The following CRPPA variants were observed in gnomAD, a reference collection of about 807,000 sequenced individuals.
The protein encoded by CRPPA is CDP-L-ribitol pyrophosphorylase A.
CRPPA carries 43 observed loss-of-function variants against 52.0 expected under a neutral mutation model. The observed-to-expected ratio is 0.83, with a 90% CI of 0.65 to 1.07. The LOEUF is 1.07. CRPPA is among the 50% of genes least tolerant of loss of function. The pLI, the probability that CRPPA is intolerant of heterozygous loss-of-function variation, is 0.00. For missense variants in CRPPA, 629 were observed against 551.7 expected (o/e 1.14, Z -1.40); for synonymous variants, 250 against 203.5 (o/e 1.23, Z -1.94).
chr7:16,312,502 G>A (rs761370797), intron 3 of CRPPA, among the ~76,000 whole-genome samples: 1 of 151,876 alleles, frequency 6.6e-6, no homozygotes, highest in Non-Finnish European at 1.5e-5. Context: ...CATAACTTCT[G>A]TCAATGCTTT....
chr7:16,353,554 T>A (rs911212809), intron 3 of CRPPA, among the ~76,000 whole-genome samples: 4 of 152,096 alleles, frequency 2.6e-5, no homozygotes, highest in African/African-American at 9.7e-5. Flanking sequence ...GTTTAAATTT[T>A]AATTTAATTT....
At chr7:16,148,518 G>C (rs1253956302) in intron 9 of CRPPA, among the ~76,000 whole-genome samples, 1 of 152,118 alleles carries the variant, frequency 6.6e-6, no homozygotes, top group Non-Finnish European at 1.5e-5. Context: ...ATTATGTTAA[G>C]TGAAATAAGT....
chr7:16,193,375 G>C (rs1287117868), intron 9 of CRPPA, among the ~76,000 whole-genome samples: 4 of 151,856 alleles, frequency 2.6e-5, no homozygotes, highest in African/African-American at 7.3e-5. Flanking sequence ...ATTTAAGAAA[G>C]CAATTTCTCT....
intron 8 of CRPPA, among the ~76,000 whole-genome samples, chr7:16,241,346 C>T (rs1168480209): frequency 3.3e-5 from 5 of 151,916 alleles, no homozygotes; most frequent in African/African-American, 1.2e-4. Context: ...ATTAAAATTC[C>T]CCCTGGTAAT....
chr7:16,271,633 AATAG>A (rs1167244565), intron 6 of CRPPA, among the ~76,000 whole-genome samples: 1 of 152,132 alleles, frequency 6.6e-6, no homozygotes, highest in Admixed American at 6.6e-5. Flanking sequence ...TTGTTCTTTA[AATAG>A]ATAATTATTT....
At chr7:16,255,687 C>G (rs181043657) in intron 8 of CRPPA, among the ~76,000 whole-genome samples, 1 of 151,910 alleles carries the variant, frequency 6.6e-6, no homozygotes, top group African/African-American at 2.4e-5. Flanking sequence ...AAACAAGCAA[C>G]GAGGAAAGGA....
chr7:16,388,141 A>T (rs1787342437), intron 2 of CRPPA, among the ~76,000 whole-genome samples: 1 of 151,928 alleles, frequency 6.6e-6, no homozygotes, highest in Non-Finnish European at 1.5e-5. Flanking sequence ...GTGCCACCCC[A>T]CCTAGCTAAT....
chr7:16,095,684 C>A (rs1781922160), intron 9 of CRPPA, among the ~76,000 whole-genome samples: 1 of 152,056 alleles, frequency 6.6e-6, no homozygotes, highest in African/African-American at 2.4e-5. Context: ...TTCCAATCTA[C>A]AAAGAAGAGA....
intron 3 of CRPPA, among the ~76,000 whole-genome samples, chr7:16,330,643 C>T (rs1785527672): frequency 6.6e-6 from 1 of 152,174 alleles, no homozygotes; most frequent in Non-Finnish European, 1.5e-5. Context: ...GGCTCCCATG[C>T]TTCTGTGAGT....
intron 6 of CRPPA, among the ~76,000 whole-genome samples, chr7:16,268,421 C>T (rs1252544646): frequency 6.6e-6 from 1 of 152,102 alleles, no homozygotes; most frequent in Non-Finnish European, 1.5e-5. Context: ...AAACTGCCAT[C>T]AAACCCTATG....
At chr7:16,313,404 A>G (rs757375286) in intron 3 of CRPPA, among the ~76,000 whole-genome samples, 3 of 151,928 alleles carry the variant, frequency 2.0e-5, no homozygotes, top group Non-Finnish European at 2.9e-5. Flanking sequence ...TGGGATCTAT[A>G]ATAATGTCCG....
intron 8 of CRPPA, among the ~76,000 whole-genome samples, chr7:16,230,844 A>C (rs1471691850): frequency 6.6e-6 from 1 of 152,054 alleles, no homozygotes; most frequent in Non-Finnish European, 1.5e-5. Flanking sequence ...GGCTCACTAC[A>C]TCAGTTGTTG....
intron 8 of CRPPA, among the ~76,000 whole-genome samples, chr7:16,230,750 G>T (rs1039673143): frequency 1.3e-5 from 2 of 152,146 alleles, no homozygotes; most frequent in Non-Finnish European, 2.9e-5. Flanking sequence ...TGAAGAAGTA[G>T]ATACTTATCC....
In CRPPA at chr7:16,088,894, A is replaced by G. The variant is rs886062151; in HGVS notation, c.*2801T>C. Reference sequence around the variant, plus strand: ...CTTCTTGTCCATTTCGCCAATGTTCATTCAGTGCCTCTGGCTTATATATCA... The same window carrying G: ...CTTCTTGTCCATTTCGCCAATGTTCGTTCAGTGCCTCTGGCTTATATATCA... On this transcript the variant is annotated 3_prime_UTR_variant, in exon 10 of 10. Coordinates refer to ENST00000407010, the MANE Select transcript of CRPPA (RefSeq NM_001101426.4). 1 of 180,264 alleles carries G rather than the reference A, an allele frequency of 5.5e-6. No homozygotes were observed. The highest frequency in any genetic ancestry group is 5.4e-5 in the Admixed American group (1 of 18,626). The allele number at this position is 180,264 out of a possible 1,614,324, so 11.2% of individuals were successfully genotyped here.
intron 3 of CRPPA, among the ~76,000 whole-genome samples, chr7:16,322,194 G>A (rs1785280008): frequency 6.6e-6 from 1 of 152,054 alleles, no homozygotes; most frequent in Non-Finnish European, 1.5e-5. Flanking sequence ...ACGTAATATT[G>A]GCTTTGGAAG....
intron 3 of CRPPA, among the ~76,000 whole-genome samples, chr7:16,350,123 AT>A (rs1786108961): frequency 6.6e-6 from 1 of 150,554 alleles, no homozygotes; most frequent in Admixed American, 6.6e-5. Flanking sequence ...AAAAAAAAAA[AT>A]GTCAACCAAG....
At chr7:16,189,437 G>A (rs1781565124) in intron 9 of CRPPA, among the ~76,000 whole-genome samples, 1 of 152,096 alleles carries the variant, frequency 6.6e-6, no homozygotes, top group South Asian at 2.1e-4. Context: ...GAAAGTGATG[G>A]CTGCATATTT....
At chr7:16,103,978 T>C (rs1485911524) in intron 9 of CRPPA, among the ~76,000 whole-genome samples, 1 of 152,156 alleles carries the variant, frequency 6.6e-6, no homozygotes, top group Non-Finnish European at 1.5e-5. Flanking sequence ...AATTCAAACA[T>C]ACCTTCTTGG....
chr7:16,289,217 T>C (rs996613238), intron 5 of CRPPA, among the ~76,000 whole-genome samples: 4 of 151,974 alleles, frequency 2.6e-5, no homozygotes, highest in African/African-American at 9.7e-5. Flanking sequence ...TAATAAAAAG[T>C]CTCTCAAGAA....
Sources: gnomAD v4.1 joint callset for allele counts (sites outside exome capture counted in the v4.1 genomes callset) on GRCh38, gnomAD v4.1.1 for gene constraint, MANE v1.5 for transcripts, NCBI Gene and HGNC (gene_info 2026-07-23, HGNC 2026-07-21) for gene names.